Variants in COL9A2 observed in about 807,000 individuals in gnomAD.
The protein encoded by COL9A2 is collagen alpha-2(IX) chain.
COL9A2 carries 66 observed loss-of-function variants against 111.6 expected under a neutral mutation model. The ratio of observed to expected loss-of-function variants is 0.59; its 90% CI spans 0.48 to 0.73. The LOEUF (loss-of-function observed/expected upper bound fraction) is 0.73, where lower values mean the gene tolerates loss of function less well. Among genes scored for constraint, COL9A2 ranks in the 30% least tolerant of loss-of-function variants. The pLI is 0.00. For missense variants in COL9A2, 881 were observed against 954.1 expected (o/e 0.92, Z 1.01); for synonymous variants, 353 against 364.1 (o/e 0.97, Z 0.35).
At chr1:40,305,313 C>G (rs1180957501) in intron 21 of COL9A2, among the ~76,000 whole-genome samples, 2 of 152,134 alleles carry the variant, frequency 1.3e-5, no homozygotes, top group Non-Finnish European at 2.9e-5. Flanking sequence ...CCTCAGCCTC[C>G]CAAAATGCTG....
At position 40,302,510 on chromosome 1, in the gene COL9A2, G is replaced by T; in HGVS notation, c.1792+111C>A. The T allele has an allele frequency of 8.1e-7, 1 of 1,240,430 alleles. No individual in the cohort carries two copies. Among genetic ancestry groups the T allele is most frequent in the Non-Finnish European group, 1.1e-6 (1 of 879,490 alleles). 76.8% of individuals were successfully genotyped at this position (1,240,430 alleles called of 1,614,324 possible). The stretch of plus-strand genomic sequence containing the variant: ...GGAGTGTCTCCTGGACCATGTGGCT[G>T]AGGAACCGGGGAAGGGTCTGTATGT... On this transcript the variant is annotated intron_variant, in intron 30 of 31. Transcript: ENST00000372748. This position sits in a 1 kb window ranked among gnomAD's most constrained non-coding sequence, Gnocchi z 4.5.
Position 40,315,571 on chromosome 1 carries a change from T to C in COL9A2, c.150+19A>G. The C allele has an allele frequency of 1.3e-6, 2 of 1,549,940 alleles. No homozygotes were observed. Among genetic ancestry groups the C allele is most frequent in the Non-Finnish European group, 1.7e-6 (2 of 1,145,638 alleles). On this transcript the variant is annotated intron_variant, in intron 2 of 31. Coordinates refer to ENST00000372748, the MANE Select transcript of COL9A2 (RefSeq NM_001852.4). The stretch of plus-strand genomic sequence containing the variant: ...GTCTGCCGCCTCCCTCCCGCCCTGG[T>C]CTCAGGTTAGAGACTTACGTCGATG...
rs1644131463 is a variant in COL9A2, at chr1:40,311,718, G to A, written c.418-3C>T. 1.2e-6 allele frequency: 2 copies of A among 1,613,876 alleles called. No homozygotes were observed. The highest frequency in any genetic ancestry group is 1.7e-6 in the Non-Finnish European group (2 of 1,179,974). ...GGTCCATCTGGTCCAGGGTCCCCCT[G>A]GAAGCAAAAGAAGCCCAAATCATAC... On this transcript the variant is annotated splice_polypyrimidine_tract_variant and splice_region_variant and intron_variant, in intron 8 of 31. Coordinates refer to ENST00000372748, the MANE Select transcript of COL9A2 (RefSeq NM_001852.4). This position sits in a 1 kb window ranked among gnomAD's most constrained non-coding sequence, Gnocchi z 5.1.
intron 19 of COL9A2, 152 bp from the exon 20 acceptor site, chr1:40,306,339 A>C (rs1226090695): frequency 3.7e-6 from 3 of 821,576 alleles, no homozygotes; most frequent in Non-Finnish European, 6.1e-6. Context: ...TTAACTGTAC[A>C]TTCCCACAGT....
In COL9A2 at chr1:40,310,849, C is replaced by G; in HGVS notation, c.631-82G>C. On this transcript the variant is annotated intron_variant, in intron 12 of 31. Transcript: ENST00000372748. The surrounding 1 kb of genome is among the most constrained non-coding windows in gnomAD (Gnocchi z 4.9). ...GACAAGCAAAGATACCACCTCTTTTCCCCAGCACAAGCAGACGGGAGGGAC... is the reference window on the plus strand; with the variant it reads ...GACAAGCAAAGATACCACCTCTTTTGCCCAGCACAAGCAGACGGGAGGGAC... 1 of 1,244,900 alleles carries G rather than the reference C, an allele frequency of 8.0e-7. No homozygotes were observed. Among genetic ancestry groups the G allele is most frequent in the South Asian group, 1.3e-5 (1 of 77,836 alleles). 77.1% of individuals were successfully genotyped at this position (1,244,900 alleles called of 1,614,324 possible).
chr1:40,301,836 T>C lies in COL9A2; in HGVS notation c.1846A>G (p.Met616Val). ...PGEVGRGHPG[M>V]PGPPGIPGLP... Reference sequence around the variant, plus strand: ...CCTGGGATCCCTGGGGGCCCAGGCATCCCGGGGTGCCCCCGTCCCACTTCT... The same window carrying C: ...CCTGGGATCCCTGGGGGCCCAGGCACCCCGGGGTGCCCCCGTCCCACTTCT... Residue 616 changes from methionine (M) to valine (V), a missense_variant, in exon 31 of 32, where the codon ATG (methionine) becomes GTG (valine). By Grantham distance (21) the Met-to-Val change is conservative. Transcript: ENST00000372748. The C allele has an allele frequency of 6.2e-7, 1 of 1,614,152 alleles. No homozygotes were observed. The highest frequency in any genetic ancestry group is 1.7e-4 in the Middle Eastern group (1 of 6,060).
At chr1:40,305,223 G>A (rs1057367671) in intron 21 of COL9A2, among the ~76,000 whole-genome samples, 1 of 151,626 alleles carries the variant, frequency 6.6e-6, no homozygotes. Context: ...GCCTGCCACC[G>A]CCCCAGGCTA....
In COL9A2 at chr1:40,311,211, T is replaced by G; in HGVS notation, c.576+19A>C. Reference sequence around the variant, plus strand: ...GTCACCTGCACCACCCTCCCAAGATTCAGGCCAGGAGCTCTCACCTTCACT... The same window carrying G: ...GTCACCTGCACCACCCTCCCAAGATGCAGGCCAGGAGCTCTCACCTTCACT... On this transcript the variant is annotated intron_variant, in intron 11 of 31. Coordinates refer to ENST00000372748, the MANE Select transcript of COL9A2 (RefSeq NM_001852.4). This position sits in a 1 kb window ranked among gnomAD's most constrained non-coding sequence, Gnocchi z 5.1. The G allele has an allele frequency of 6.2e-7, 1 of 1,614,134 alleles. No individual in the cohort carries two copies. Among genetic ancestry groups the G allele is most frequent in the Non-Finnish European group, 8.5e-7 (1 of 1,179,988 alleles).
intron 2 of COL9A2, chr1:40,315,384 G>T: frequency 7.2e-7 from 1 of 1,395,608 alleles, no homozygotes; most frequent in African/African-American, 1.5e-5. Context: ...TCTGTCGGCG[G>T]CTATAACGGG....
Position 40,312,746 on chromosome 1 carries a change from C to T in COL9A2, c.288G>A (p.Gly96=). The T allele has an allele frequency of 6.4e-7, 1 of 1,553,336 alleles. No homozygotes were observed. The highest frequency in any genetic ancestry group is 8.7e-7 in the Non-Finnish European group (1 of 1,147,776). The part of the protein sequence containing the change: ...TGAKGEPGPM[G]IPGVKGQPGL... ...GGCCCCTTACCTTGACTCCAGGGAT[C>T]CCCATGGGGCCAGGCTCCCCCTTGG... Residue 96 remains glycine, a synonymous_variant, in exon 5 of 32, where the codon GGG becomes GGA. Coordinates refer to ENST00000372748, the MANE Select transcript of COL9A2 (RefSeq NM_001852.4). This position sits in a 1 kb window ranked among gnomAD's most constrained non-coding sequence, Gnocchi z 6.0.
rs754207553 is a variant in COL9A2, at chr1:40,312,086, A to G, written c.390T>C (p.Pro130=). 1.2e-6 allele frequency: 2 copies of G among 1,602,522 alleles called. No individual in the cohort carries two copies. Among genetic ancestry groups the G allele is most frequent in the Admixed American group, 1.7e-5 (1 of 57,258 alleles). The change falls in exon 8 of 32, where the codon CCT becomes CCC. Residue 130 remains proline, a synonymous_variant. Coordinates refer to ENST00000372748, the MANE Select transcript of COL9A2 (RefSeq NM_001852.4). This position sits in a 1 kb window ranked among gnomAD's most constrained non-coding sequence, Gnocchi z 6.0. Reference sequence around the variant, plus strand: ...TGGGGCCTCGGATTCCAATCTCACCAGGGAGGCCAACAGGTCCAGGAGGCC... The same window carrying G: ...TGGGGCCTCGGATTCCAATCTCACCGGGGAGGCCAACAGGTCCAGGAGGCC... The part of the protein sequence containing the change: ...PPGPPGPVGL[P]GEIGIRGPKG...
At chr1:40,305,066 T>A in intron 21 of COL9A2, 1 of 361,644 alleles carries the variant, frequency 2.8e-6, no homozygotes, top group Non-Finnish European at 4.9e-6. Flanking sequence ...TCTTTCTTTT[T>A]TTTTTTTTTT....
Position 40,315,624 on chromosome 1 carries a change from C to A in COL9A2, c.116G>T (p.Gly39Val). ...PGERGPPGPP[G>V]PPGVPGSDGI... Reference sequence around the variant, plus strand: ...GTCGGATCCAGGCACTCCCGGCGGTCCCGGGGGACCCGGGGGGCCCCGCTC... The same window carrying A: ...GTCGGATCCAGGCACTCCCGGCGGTACCGGGGGACCCGGGGGGCCCCGCTC... The change falls in exon 2 of 32, where the codon GGA becomes GTA. Residue 39 changes from glycine (G) to valine (V), a missense_variant. Coordinates refer to ENST00000372748, the MANE Select transcript of COL9A2 (RefSeq NM_001852.4). The A allele has an allele frequency of 3.2e-6, 5 of 1,553,288 alleles. No homozygotes were observed. The highest frequency in any genetic ancestry group is 3.5e-6 in the Non-Finnish European group (4 of 1,147,588).
chr1:40,304,914 G>T (rs1250659264), intron 21 of COL9A2, 67 bp from the exon 22 acceptor site: 2 of 1,394,958 alleles, frequency 1.4e-6, no homozygotes, highest in Non-Finnish European at 2.0e-6. Context: ...CACCTGGCCA[G>T]CCCCTCCCTA....
In COL9A2 at chr1:40,311,527, C is replaced by G. The variant is rs1216595686; in HGVS notation, c.492G>C (p.Gln164His). ...PGKPGRPGTIQGLEGSADFLC... is the reference protein window; with the variant it reads ...PGKPGRPGTIHGLEGSADFLC... ...GGAAATCCGCACTGCCTTCCAGACCCTGGATGGTTCCCGGGCGACCCTGAG... is the reference window on the plus strand; with the variant it reads ...GGAAATCCGCACTGCCTTCCAGACCGTGGATGGTTCCCGGGCGACCCTGAG... Residue 164 changes from glutamine to histidine, a missense_variant, in exon 10 of 32, where the codon CAG becomes CAC. Coordinates refer to ENST00000372748, the MANE Select transcript of COL9A2 (RefSeq NM_001852.4). The surrounding 1 kb of genome is among the most constrained non-coding windows in gnomAD (Gnocchi z 5.1). 6.2e-7 allele frequency: 1 copy of G among 1,613,870 alleles called. No homozygotes were observed. The highest frequency in any genetic ancestry group is 8.5e-7 in the Non-Finnish European group (1 of 1,179,912).
At position 40,315,577 on chromosome 1, in the gene COL9A2, G is replaced by A. The variant is rs201699334; in HGVS notation, c.150+13C>T. On this transcript the variant is annotated intron_variant, in intron 2 of 31. Transcript: ENST00000372748. ...CGCCTCCCTCCCGCCCTGGTCTCAGGTTAGAGACTTACGTCGATGCCGTCG... is the reference window on the plus strand; with the variant it reads ...CGCCTCCCTCCCGCCCTGGTCTCAGATTAGAGACTTACGTCGATGCCGTCG... 2.5e-5 allele frequency: 39 copies of A among 1,551,586 alleles called. 1 individual carries two copies. In the Admixed American group the frequency reaches 4.5e-4, roughly 18 times the overall value.
In COL9A2 at chr1:40,312,453, T is replaced by TA. The variant is rs1179163105; in HGVS notation, c.363+2dup. 3.1e-6 allele frequency: 5 copies of TA among 1,613,494 alleles called. No individual in the cohort carries two copies. Among genetic ancestry groups the TA allele is most frequent in the Admixed American group, 1.7e-5 (1 of 59,946 alleles). ...GGATCCTGCCCCATCCCTGAGGACT[T>TA]ACAGGAGGTCCAGCAAAACCAGGGC... is the stretch of plus-strand genomic sequence containing the variant. On this transcript the variant is annotated splice_region_variant and intron_variant, in intron 7 of 31. Coordinates refer to ENST00000372748, the MANE Select transcript of COL9A2 (RefSeq NM_001852.4). The surrounding 1 kb of genome is among the most constrained non-coding windows in gnomAD (Gnocchi z 6.0).
chr1:40,313,908 C>A (rs959499735), intron 4 of COL9A2, among the ~76,000 whole-genome samples: 3 of 151,960 alleles, frequency 2.0e-5, no homozygotes, highest in African/African-American at 4.8e-5. Context: ...TCAGCCTGAT[C>A]CTTGGAGGCC....
At chr1:40,315,729 T>G in intron 1 of COL9A2, 65 bp from the exon 2 acceptor site, 1 of 1,216,462 alleles carries the variant, frequency 8.2e-7, no homozygotes, top group Non-Finnish European at 1.2e-6. Context: ...TCCCCGGGGC[T>G]GCAAGCGACC....
Sources: gnomAD v4.1 joint callset for allele counts (sites outside exome capture counted in the v4.1 genomes callset) on GRCh38, gnomAD v4.1.1 for gene constraint, Gnocchi (gnomAD v3.1) non-coding constraint, MANE v1.5 for transcripts, NCBI Gene and HGNC (gene_info 2026-07-23, HGNC 2026-07-21) for gene names.